TSPOAP1: variants seen among roughly 807,000 people sequenced by gnomAD.
TSPOAP1 encodes TSPO associated protein 1, also known as peripheral-type benzodiazepine receptor-associated protein 1.
TSPOAP1 carries 87 observed loss-of-function variants against 197.0 expected under a neutral mutation model. That is an observed-to-expected ratio of 0.44 (90% CI 0.37 to 0.53). The LOEUF is 0.53. TSPOAP1 is among the 20% of genes least tolerant of loss of function. The pLI is 0.00. For missense variants in TSPOAP1, 2,174 were observed against 2,411.3 expected (o/e 0.90, Z 2.06); for synonymous variants, 913 against 998.9 (o/e 0.91, Z 1.62).
rs974040862 is a variant in TSPOAP1 at position 58,304,298 on chromosome 17, G to C, written c.*32+40C>G. 8.4e-6 allele frequency: 13 copies of C among 1,543,374 alleles called. No homozygotes were observed. In the South Asian group the frequency reaches 1.0e-4, roughly 12 times the overall value. ...GAGCACTGTCTGATTATGGTCAAGT[G>C]GGGGTGGACGGTCACACAGGGGGGC... On this transcript the variant is annotated intron_variant, in intron 31 of 31. Coordinates refer to ENST00000343736, the MANE Select transcript of TSPOAP1 (RefSeq NM_004758.4). The surrounding 1 kb of genome is among the most constrained non-coding windows in gnomAD (Gnocchi z 4.2).
At position 58,317,267 on chromosome 17, in the gene TSPOAP1, G is replaced by A. The variant is rs146900627; in HGVS notation, c.1873-727C>T. Among the ~76,000 whole-genome samples the A allele has an allele frequency of 2.5e-3, 376 of 152,210 alleles. 6 individuals are homozygous for A. The highest frequency in any genetic ancestry group is 0.016 in the Admixed American group (249 of 15,278). ...CAGCAAAGCACCCCAACTGTAAATC[G>A]CTGGAAGCAAGGAGGCAGAAAGGAG... On this transcript the variant is annotated intron_variant, in intron 14 of 31. Coordinates refer to ENST00000343736, the MANE Select transcript of TSPOAP1 (RefSeq NM_004758.4).
chr17:58,307,008 T>A, intron 24 of TSPOAP1, 40 bp from the exon 25 acceptor site: 2 of 1,589,618 alleles, frequency 1.3e-6, no homozygotes, highest in Non-Finnish European at 1.7e-6. Flanking sequence ...TTCTGCTCAC[T>A]CCCTATGCCC....
intron 10 of TSPOAP1, 113 bp from the exon 11 acceptor site, chr17:58,320,694 G>A (rs535408575): frequency 2.5e-5 from 21 of 832,002 alleles, no homozygotes; most frequent in African/African-American, 1.2e-4. Flanking sequence ...GGAAGAAGCC[G>A]GGAGAAAGAA....
In TSPOAP1 at chr17:58,310,741, C is replaced by A. The variant is rs112573747; in HGVS notation, c.3470G>T (p.Gly1157Val). The change falls in exon 20 of 32, where the codon GGG becomes GTG. Residue 1157 changes from glycine (G) to valine (V), a missense_variant. Around this residue, in one of 5 missense-constraint regions of TSPOAP1, gnomAD observed 1,933 missense variants for 2,139.0 expected, o/e 0.90. Coordinates refer to ENST00000343736, the MANE Select transcript of TSPOAP1 (RefSeq NM_004758.4). The stretch of plus-strand genomic sequence containing the variant: ...CTCTGAGGTGCCCAGCACTGCTGCC[C>A]CAGCCTCCTCCTGGAACAGAGAGCA... ...PPAPCSQEEA[G>V]AAVLGTSEER... 8,546 of 1,612,064 alleles carry A rather than the reference C, an allele frequency of 5.3e-3. 407 individuals are homozygous for A. The African/African-American group carries it at 0.1, about 19-fold the overall frequency.
At position 58,312,427 on chromosome 17, in the gene TSPOAP1, C is replaced by T. The variant is rs1216303239; in HGVS notation, c.2394G>A (p.Val798=). Residue 798 remains valine (V), a synonymous_variant, in exon 17 of 32, where the codon GTG becomes GTA. Coordinates refer to ENST00000343736, the MANE Select transcript of TSPOAP1 (RefSeq NM_004758.4). ...CGCTGTGGGCCAGCTGCTTGAGGAC[C>T]ACCAGACGGCGGGGGTAAGGCACGG... The part of the protein sequence containing the change: ...PPAVPYPRRL[V]VLKQLAHSVV... 6.2e-7 allele frequency: 1 copy of T among 1,613,026 alleles called. No individual in the cohort carries two copies. Among genetic ancestry groups the T allele is most frequent in the East Asian group, 2.2e-5 (1 of 44,900 alleles).
At chr17:58,325,115 G>A in intron 4 of TSPOAP1, 113 bp from the exon 5 acceptor site, 1 of 926,548 alleles carries the variant, frequency 1.1e-6, no homozygotes, top group Non-Finnish European at 1.6e-6. Flanking sequence ...GCGCGAGACT[G>A]TGCACACCCT....
In TSPOAP1 at chr17:58,304,456, G is replaced by A. The variant is rs372039207; in HGVS notation, c.5545-57C>T. 17 of 1,484,428 alleles carry A rather than the reference G, an allele frequency of 1.1e-5. No individual in the cohort carries two copies. The highest frequency in any genetic ancestry group is 2.3e-5 in the South Asian group (2 of 88,396). The allele number at this position is 1,484,428 out of a possible 1,614,324, so 92.0% of individuals were successfully genotyped here. On this transcript the variant is annotated intron_variant, in intron 30 of 31. Transcript: ENST00000343736. This position sits in a 1 kb window ranked among gnomAD's most constrained non-coding sequence, Gnocchi z 4.2. ...TTACCGACAGACCCGCACCTTCTCC[G>A]CCCGGCCACCAGGTGGCCCTGCGCA...
intron 22 of TSPOAP1, 133 bp from the exon 23 acceptor site, chr17:58,308,074 G>A (rs1205986125): frequency 9.3e-6 from 9 of 963,778 alleles, no homozygotes; most frequent in South Asian, 5.1e-5. Context: ...CCGGAGCCTC[G>A]GCCCAGCCTG....
chr17:58,304,346 C>T lies in TSPOAP1; in HGVS notation c.*24G>A, dbSNP rs375815067. ...GGCAGTCCCCCACTTACATGTTGCT[C>T]TCTCTACATATATCTATCTCCATCT... On this transcript the variant is annotated 3_prime_UTR_variant, in exon 31 of 32. Transcript: ENST00000343736. The surrounding 1 kb of genome is among the most constrained non-coding windows in gnomAD (Gnocchi z 4.2). 47 of 1,613,494 alleles carry T rather than the reference C, an allele frequency of 2.9e-5. No homozygotes were observed. The African/African-American group carries it at 6.0e-4, about 21-fold the overall frequency.
chr17:58,327,588 C>G lies in TSPOAP1; in HGVS notation c.333G>C (p.Lys111Asn), dbSNP rs773050783. ...CCCCAGCCCTCCACAGATCCCTTAC[C>G]TTCAGGAAAGCCTCCACTTCCTCAT... ...PEDEEVEAFL[K>N]AKLNMSFGDR... The change falls in exon 1 of 32, where the codon AAG (lysine) becomes AAC (asparagine). Residue 111 changes from lysine (K) to asparagine (N), a missense_variant and splice_region_variant. Lys to Asn is a moderately conservative substitution (Grantham distance 94, BLOSUM62 0). Coordinates refer to ENST00000343736, the MANE Select transcript of TSPOAP1 (RefSeq NM_004758.4). 4 of 1,610,762 alleles carry G rather than the reference C, an allele frequency of 2.5e-6. No homozygotes were observed. The highest frequency in any genetic ancestry group is 3.4e-6 in the Non-Finnish European group (4 of 1,178,108).
Position 58,309,588 on chromosome 17 carries a change from A to G in TSPOAP1, c.3892-208T>C, listed in dbSNP as rs1050270140. Among the ~76,000 whole-genome samples the G allele has an allele frequency of 3.9e-5, 6 of 151,960 alleles. No homozygotes were observed. The highest frequency in any genetic ancestry group is 1.5e-4 in the African/African-American group (6 of 41,350). On this transcript the variant is annotated intron_variant, in intron 21 of 31. Coordinates refer to ENST00000343736, the MANE Select transcript of TSPOAP1 (RefSeq NM_004758.4). The surrounding 1 kb of genome is among the most constrained non-coding windows in gnomAD (Gnocchi z 5.0). ...CACATATCCAGTGAGAGCCAAAGGA[A>G]GAATTAGGGAACACACTCTAGGAAC...
Position 58,304,438 on chromosome 17 carries a change from C to T in TSPOAP1, c.5545-39G>A. 1 of 1,572,124 alleles carries T rather than the reference C, an allele frequency of 6.4e-7. No individual in the cohort carries two copies. Among genetic ancestry groups the T allele is most frequent in the South Asian group, 1.1e-5 (1 of 90,218 alleles). ...ACAAAGAGAGGAGATGGGTTACCGA[C>T]AGACCCGCACCTTCTCCGCCCGGCC... On this transcript the variant is annotated intron_variant, in intron 30 of 31. Transcript: ENST00000343736. The surrounding 1 kb of genome is among the most constrained non-coding windows in gnomAD (Gnocchi z 4.2).
chr17:58,315,205 A>T (rs1023488943), intron 16 of TSPOAP1, among the ~76,000 whole-genome samples: 1 of 152,188 alleles, frequency 6.6e-6, no homozygotes, highest in African/African-American at 2.4e-5. Context: ...GCAGCTCCTC[A>T]AGTAACAGGC....
Position 58,308,682 on chromosome 17 carries a change from T to C in TSPOAP1, c.4590A>G (p.Thr1530=). The C allele has an allele frequency of 1.2e-6, 2 of 1,612,786 alleles. No individual in the cohort carries two copies. Among genetic ancestry groups the C allele is most frequent in the East Asian group, 4.5e-5 (2 of 44,866 alleles). Residue 1530 remains threonine (T), a synonymous_variant, in exon 22 of 32, where the codon ACA becomes ACG. Coordinates refer to ENST00000343736, the MANE Select transcript of TSPOAP1 (RefSeq NM_004758.4). ...GCCCCCTGGGCCTTCCTACAGTTGC[T>C]GTGCCCCAGGCCTCCCCATCTCCAG... ...CYPGDGEAWG[T]ATVGRPRGPP... is the part of the protein sequence containing the mutation.
intron 16 of TSPOAP1, among the ~76,000 whole-genome samples, chr17:58,314,442 G>T (rs1489540761): frequency 6.6e-6 from 1 of 152,216 alleles, no homozygotes; most frequent in African/African-American, 2.4e-5. Flanking sequence ...CTAATGACAA[G>T]TGTTTTTATA....
intron 22 of TSPOAP1, 100 bp from the exon 23 acceptor site, chr17:58,308,041 C>T (rs1479259472): frequency 3.0e-5 from 36 of 1,187,578 alleles, no homozygotes; most frequent in South Asian, 1.8e-4. Context: ...AGCACAGCAG[C>T]GCAGGAGCAC....
chr17:58,305,929 G>T, intron 26 of TSPOAP1, 64 bp from the exon 27 acceptor site: 1 of 1,489,208 alleles, frequency 6.7e-7, no homozygotes, highest in Non-Finnish European at 9.1e-7. Context: ...AGGTGCTGCA[G>T]CGCAGGCCAG....
In TSPOAP1 at chr17:58,328,219, C is replaced by T. The variant is rs957431949; in HGVS notation, c.-299G>A. ...GGTAGGGAGGATGTGCAGAGGCCAC[C>T]GACAGCTGCGCCTGGGTGAGGGTGC... On this transcript the variant is annotated 5_prime_UTR_variant, in exon 1 of 32. Coordinates refer to ENST00000343736, the MANE Select transcript of TSPOAP1 (RefSeq NM_004758.4). This position sits in a 1 kb window ranked among gnomAD's most constrained non-coding sequence, Gnocchi z 4.3. 2.2e-5 allele frequency: 10 copies of T among 444,510 alleles called. No homozygotes were observed. Among genetic ancestry groups the T allele is most frequent in the African/African-American group, 9.8e-5 (5 of 51,166 alleles). 27.5% of individuals were successfully genotyped at this position (444,510 alleles called of 1,614,324 possible).
rs1368291514 is a variant in TSPOAP1, at chr17:58,309,126, C to A, written c.4146G>T (p.Leu1382Phe). The change falls in exon 22 of 32, where the codon TTG becomes TTT. Residue 1382 changes from leucine (L) to phenylalanine (F), a missense_variant. By Grantham distance (22) the Leu-to-Phe change is conservative. Around this residue, in one of 5 missense-constraint regions of TSPOAP1, gnomAD observed 1,933 missense variants for 2,139.0 expected, o/e 0.90. Coordinates refer to ENST00000343736, the MANE Select transcript of TSPOAP1 (RefSeq NM_004758.4). This position sits in a 1 kb window ranked among gnomAD's most constrained non-coding sequence, Gnocchi z 5.0. ...CTCCAGCCCTGGAGGACTCAGGAGA[C>A]AAGGGACACTGGCCAGGTCTTCGGG... ...GQPRRPGQCP[L>F]SPESSRAGDC... The A allele has an allele frequency of 6.2e-7, 1 of 1,613,900 alleles. No homozygotes were observed. Among genetic ancestry groups the A allele is most frequent in the Non-Finnish European group, 8.5e-7 (1 of 1,180,040 alleles).
Sources: gnomAD v4.1 joint callset for allele counts (sites outside exome capture counted in the v4.1 genomes callset) on GRCh38, gnomAD v4.1.1 for gene constraint, gnomAD v4.1.1 regional missense constraint, Gnocchi (gnomAD v3.1) non-coding constraint, MANE v1.5 for transcripts, NCBI Gene and HGNC (gene_info 2026-07-23, HGNC 2026-07-21) for gene names.